Variants in IKBKE observed in about 807,000 individuals in gnomAD.
IKBKE encodes inhibitor of nuclear factor kappa-B kinase subunit epsilon.
A neutral mutation model predicts 92.1 loss-of-function variants in IKBKE; 45 were observed. The ratio of observed to expected loss-of-function variants is 0.49; its 90% confidence interval spans 0.38 to 0.63. IKBKE has a LOEUF of 0.63. Ranked by LOEUF, IKBKE falls within the 20% of genes least tolerant of loss-of-function variation. The probability of loss-of-function intolerance (pLI) is 0.00; values close to 1 mark genes in which losing one functional copy is unlikely to be tolerated. For synonymous variants in IKBKE, 374 were observed against 380.3 expected (o/e 0.98, Z 0.19); for missense variants, 700 against 932.8 (o/e 0.75, Z 3.25).
rs782022150 is a variant in IKBKE at position 206,490,476 on chromosome 1, T to TAAGGA, written c.1694-339_1694-338insAAAGG. Among the ~76,000 whole-genome samples the TAAGGA allele has an allele frequency of 7.2e-5, 11 of 152,154 alleles. No individual in the cohort carries two copies. Among genetic ancestry groups the TAAGGA allele is most frequent in the African/African-American group, 2.7e-4 (11 of 41,438 alleles). ...TCAGTCACTCTGGGAGGGTGCTGGA[T>TAAGGA]AAGGGGCTATGGTTGACCGAGCCTC... On this transcript the variant is annotated intron_variant, in intron 16 of 21. Coordinates refer to ENST00000581977, the MANE Select transcript of IKBKE (RefSeq NM_014002.4). The surrounding 1 kb of genome is among the most constrained non-coding windows in gnomAD (Gnocchi z 5.2).
intron 5 of IKBKE, chr1:206,475,208 G>C: frequency 1.8e-6 from 1 of 541,960 alleles, no homozygotes; most frequent in East Asian, 3.0e-5. Flanking sequence ...AACAAAATGT[G>C]GGAGGTACCT....
At chr1:206,475,046 G>A in intron 5 of IKBKE, 52 bp downstream of exon 5, 2 of 1,583,910 alleles carry the variant, frequency 1.3e-6, no homozygotes, top group Non-Finnish European at 8.6e-7. Context: ...GCAGGCCTGG[G>A]ACAGATGCTG....
chr1:206,478,947 G>C lies in IKBKE; in HGVS notation c.997G>C (p.Ala333Pro), dbSNP rs782155313. The change falls in exon 10 of 22, where the codon GCC (alanine) becomes CCC (proline). Residue 333 changes from alanine to proline, a missense_variant. Physicochemically the swap from Ala to Pro is conservative, Grantham distance 27. Coordinates refer to ENST00000581977, the MANE Select transcript of IKBKE (RefSeq NM_014002.4). The surrounding 1 kb of genome is among the most constrained non-coding windows in gnomAD (Gnocchi z 4.8). ...CCCCACCACGGCTGTGTCTAGGATA[G>C]CCATTTTCCAGGAGGCCGTGCACAA... ...HIYIHAHNTI[A>P]IFQEAVHKQT... The C allele has an allele frequency of 6.2e-7, 1 of 1,614,024 alleles. No homozygotes were observed. The highest frequency in any genetic ancestry group is 1.1e-5 in the South Asian group (1 of 91,080).
In IKBKE at chr1:206,487,908, C is replaced by T. The variant is rs1458842110; in HGVS notation, c.1617-6C>T. The T allele has an allele frequency of 1.9e-6, 3 of 1,612,232 alleles. No homozygotes were observed. Among genetic ancestry groups the T allele is most frequent in the Non-Finnish European group, 2.5e-6 (3 of 1,178,860 alleles). On this transcript the variant is annotated splice_polypyrimidine_tract_variant and splice_region_variant and intron_variant, in intron 15 of 21. Coordinates refer to ENST00000581977, the MANE Select transcript of IKBKE (RefSeq NM_014002.4). This position sits in a 1 kb window ranked among gnomAD's most constrained non-coding sequence, Gnocchi z 5.3. The stretch of plus-strand genomic sequence containing the variant: ...CCAACACCTGGTCCCTGTCTCCTGC[C>T]CACAGCATCCAGCAGATTCAGTGCT...
At position 206,491,641 on chromosome 1, in the gene IKBKE, G is replaced by A. The variant is rs375155204; in HGVS notation, c.1734-7G>A. The A allele has an allele frequency of 9.9e-6, 16 of 1,608,698 alleles. No homozygotes were observed. The highest frequency in any genetic ancestry group is 2.2e-5 in the East Asian group (1 of 44,762). ...CTCATCTGCACCTTGGTTCTCTGTCGTTCTAGGGTGAATTTCAGTCATTTA... is the reference window on the plus strand; with the variant it reads ...CTCATCTGCACCTTGGTTCTCTGTCATTCTAGGGTGAATTTCAGTCATTTA... On this transcript the variant is annotated splice_region_variant and splice_polypyrimidine_tract_variant and intron_variant, in intron 17 of 21. Coordinates refer to ENST00000581977, the MANE Select transcript of IKBKE (RefSeq NM_014002.4).
chr1:206,496,369 GAA>G lies in IKBKE; in HGVS notation c.*226_*227del. ...AGGCCACCTCTGTTGGGACCCACAG[GAA>G]AGAGTGTGGCAGCAACTGCCTGGCT... On this transcript the variant is annotated 3_prime_UTR_variant, in exon 22 of 22. Coordinates refer to ENST00000581977, the MANE Select transcript of IKBKE (RefSeq NM_014002.4). 1 of 557,100 alleles carries G rather than the reference GAA, an allele frequency of 1.8e-6. No homozygotes were observed. Among genetic ancestry groups the G allele is most frequent in the Non-Finnish European group, 3.2e-6 (1 of 311,042 alleles). The allele number at this position is 557,100 out of a possible 1,614,324, so 34.5% of individuals were successfully genotyped here. A position where few individuals can be genotyped will look rare whatever the true frequency, so the allele number is the denominator to read the frequency against.
chr1:206,482,070 C>T (rs1460258799), intron 13 of IKBKE, among the ~76,000 whole-genome samples: 2 of 152,002 alleles, frequency 1.3e-5, no homozygotes, highest in Admixed American at 6.6e-5. Context: ...TGAGCCACCG[C>T]GCCCGGCCTA....
At chr1:206,481,017 G>A (rs1180709217) in intron 13 of IKBKE, among the ~76,000 whole-genome samples, 1 of 152,090 alleles carries the variant, frequency 6.6e-6, no homozygotes, top group Non-Finnish European at 1.5e-5. Flanking sequence ...TGGGTTCCCT[G>A]CCCCAATCTT....
At chr1:206,484,304 C>T (rs986450802) in intron 13 of IKBKE, among the ~76,000 whole-genome samples, 3 of 152,126 alleles carry the variant, frequency 2.0e-5, no homozygotes, top group African/African-American at 7.2e-5. Context: ...ACTGGGAGTG[C>T]ACAAGGCTAG....
At chr1:206,489,674 A>G (rs1306199355) in intron 16 of IKBKE, among the ~76,000 whole-genome samples, 1 of 152,084 alleles carries the variant, frequency 6.6e-6, no homozygotes, top group Non-Finnish European at 1.5e-5. Context: ...ACACCACTGC[A>G]GCACTCCAGC....
intron 2 of IKBKE, among the ~76,000 whole-genome samples, chr1:206,472,640 C>T (rs1276806901): frequency 1.3e-5 from 2 of 151,980 alleles, no homozygotes; most frequent in Non-Finnish European, 2.9e-5. Flanking sequence ...TCTCTTGGAG[C>T]AGTACTGGCC....
Position 206,478,867 on chromosome 1 carries a change from G to A in IKBKE, c.993-76G>A. 2.6e-6 allele frequency: 3 copies of A among 1,140,066 alleles called. No individual in the cohort carries two copies. The highest frequency in any genetic ancestry group is 2.4e-4 in the Middle Eastern group (1 of 4,112). 70.6% of individuals were successfully genotyped at this position (1,140,066 alleles called of 1,614,324 possible). On this transcript the variant is annotated intron_variant, in intron 9 of 21. Transcript: ENST00000581977. This position sits in a 1 kb window ranked among gnomAD's most constrained non-coding sequence, Gnocchi z 4.8. The stretch of plus-strand genomic sequence containing the variant: ...CTGTCTATGGGCAACGCTTAGCTGG[G>A]GCTTAGGTCACCCTAGCCCCCTGCC...
chr1:206,478,142 C>T lies in IKBKE; in HGVS notation c.813-18C>T, dbSNP rs1163284977. On this transcript the variant is annotated intron_variant, in intron 8 of 21. Coordinates refer to ENST00000581977, the MANE Select transcript of IKBKE (RefSeq NM_014002.4). This position sits in a 1 kb window ranked among gnomAD's most constrained non-coding sequence, Gnocchi z 4.8. ...CTGGGCCCCCACCCCTGACAGTCTC[C>T]ATGTCCTGGGAGGGCAGGGGGCTGC... 6.2e-7 allele frequency: 1 copy of T among 1,611,222 alleles called. No individual in the cohort carries two copies. Among genetic ancestry groups the T allele is most frequent in the Non-Finnish European group, 8.5e-7 (1 of 1,178,958 alleles).
At chr1:206,480,237 G>C in intron 12 of IKBKE, 124 bp downstream of exon 12, 1 of 519,286 alleles carries the variant, frequency 1.9e-6, no homozygotes, top group South Asian at 1.9e-5. Context: ...GTGAGCAGGA[G>C]GAGGGGGTGG....
rs782608254 is a variant in IKBKE at position 206,473,360 on chromosome 1, C to T, written c.87+46C>T. On this transcript the variant is annotated intron_variant, in intron 3 of 21. Transcript: ENST00000581977. ...GGCCCTGTCCAGCCCAGCCTTGGCC[C>T]CCTCATGCCTCAGAAGCTGGCCCAG... 9 of 1,419,890 alleles carry T rather than the reference C, an allele frequency of 6.3e-6. No individual in the cohort carries two copies. The Admixed American group carries it at 1.6e-4, about 26-fold the overall frequency. The allele number at this position is 1,419,890 out of a possible 1,614,324, so 88.0% of individuals were successfully genotyped here.
intron 3 of IKBKE, among the ~76,000 whole-genome samples, 185 bp downstream of exon 3, chr1:206,473,499 A>T (rs1553384351): frequency 6.6e-6 from 1 of 152,244 alleles, no homozygotes; most frequent in Admixed American, 6.5e-5. Context: ...GCTCCTTGAG[A>T]GGATGCCTCT....
In IKBKE at chr1:206,490,815, C is replaced by A. The variant is rs782560111; in HGVS notation, c.1694-4C>A. The A allele has an allele frequency of 6.2e-7, 1 of 1,614,002 alleles. No homozygotes were observed. The highest frequency in any genetic ancestry group is 1.1e-5 in the South Asian group (1 of 91,082). Reference sequence around the variant, plus strand: ...GTGACATCTGTTCTGTCTGTTTCCTCCAGGGCTTGGCTACAACGAGGAGCA... The same window carrying A: ...GTGACATCTGTTCTGTCTGTTTCCTACAGGGCTTGGCTACAACGAGGAGCA... On this transcript the variant is annotated splice_region_variant and splice_polypyrimidine_tract_variant and intron_variant, in intron 16 of 21. Transcript: ENST00000581977. The surrounding 1 kb of genome is among the most constrained non-coding windows in gnomAD (Gnocchi z 5.2).
chr1:206,479,123 C>G lies in IKBKE; in HGVS notation c.1173C>G (p.Ala391=), dbSNP rs954965997. 6 of 1,599,268 alleles carry G rather than the reference C, an allele frequency of 3.8e-6. 1 individual carries two copies. In the Admixed American group the frequency reaches 5.1e-5, roughly 14 times the overall value. ...LFSTAIPKGL[A]FRDPALDVPK... ...GCACAGCCATCCCTAAGGGGCTGGC[C>G]TTCAGGGACCGTGAGTAGAGCCACC... The change falls in exon 10 of 22, where the codon GCC becomes GCG. Residue 391 remains alanine, a synonymous_variant. Transcript: ENST00000581977.
intron 13 of IKBKE, among the ~76,000 whole-genome samples, chr1:206,482,595 T>C (rs966678380): frequency 3.3e-5 from 5 of 152,162 alleles, no homozygotes; most frequent in Non-Finnish European, 5.9e-5. Flanking sequence ...TATTTCAGCC[T>C]CCCATCAAGG....
Sources: allele counts gnomAD v4.1 joint callset (sites outside exome capture counted in the v4.1 genomes callset), GRCh38; gene constraint gnomAD v4.1.1; non-coding constraint Gnocchi (gnomAD v3.1); transcripts MANE v1.5; gene names NCBI Gene and HGNC (gene_info 2026-07-23, HGNC 2026-07-21).